Variants in SPPL2B observed in about 807,000 individuals in gnomAD.
SPPL2B encodes the protein signal peptide peptidase like 2B.
Under a neutral mutation model 59.7 loss-of-function variants are expected in SPPL2B, and 39 were observed. That is an observed-to-expected ratio of 0.65 (90% CI 0.51 to 0.85). SPPL2B has a LOEUF of 0.85. Among genes scored for constraint, SPPL2B ranks in the 40% least tolerant of loss-of-function variants. The pLI, the probability that SPPL2B is intolerant of heterozygous loss-of-function variation, is 0.00. For synonymous variants in SPPL2B, 419 were observed against 370.8 expected (o/e 1.13, Z -1.49); for missense variants, 865 against 849.0 (o/e 1.02, Z -0.23).
At chr19:2,352,081 G>T (rs1477210196) in intron 14 of SPPL2B, among the ~76,000 whole-genome samples, 1 of 152,206 alleles carries the variant, frequency 6.6e-6, no homozygotes, top group Non-Finnish European at 1.5e-5. Flanking sequence ...GTCCCCCTTG[G>T]CAAGGCAGGG....
intron 8 of SPPL2B, 85 bp from the exon 9 acceptor site, chr19:2,343,126 A>C: frequency 1.9e-6 from 2 of 1,070,902 alleles, no homozygotes; most frequent in Non-Finnish European, 2.8e-6. Context: ...GGCTGAGAGC[A>C]AGGGCCCTGT....
chr19:2,341,996 G>A (rs974906266), intron 8 of SPPL2B: 14 of 182,058 alleles, frequency 7.7e-5, no homozygotes, highest in South Asian at 2.0e-4. Context: ...AGTACGTGGC[G>A]CCTGGAATTG....
At chr19:2,330,810 C>T (rs1199683852) in intron 1 of SPPL2B, 2 of 152,360 alleles carry the variant, frequency 1.3e-5, no homozygotes, top group Non-Finnish European at 2.9e-5. Flanking sequence ...GGACTTTAAC[C>T]TGGGCGGGCT....
chr19:2,339,973 GGCCCCGGGCGGGTGGGCC>G lies in SPPL2B; in HGVS notation c.742+10_742+27del, dbSNP rs1968922958. On this transcript the variant is annotated splice_region_variant and intron_variant, in intron 6 of 14. Transcript: ENST00000613503. ...TATTTCTACGATCTCCTCGGTGCGC[GGCCCCGGGCGGGTGGGCC>G]GCGGCGTGGAGATGCAGCCCGCCCC... 6 of 1,552,618 alleles carry G rather than the reference GGCCCCGGGCGGGTGGGCC, an allele frequency of 3.9e-6. No individual in the cohort carries two copies. The highest frequency in any genetic ancestry group is 4.4e-6 in the Non-Finnish European group (5 of 1,147,466).
At chr19:2,340,861 C>G (rs1568439117) in intron 7 of SPPL2B, 37 bp from the exon 8 acceptor site, 1 of 1,349,610 alleles carries the variant, frequency 7.4e-7, no homozygotes. Flanking sequence ...AGGCCGGGAG[C>G]TGGTGGGCTT....
At chr19:2,348,882 TTC>T (rs757706138) in intron 13 of SPPL2B, among the ~76,000 whole-genome samples, 84 of 132,318 alleles carry the variant, frequency 6.3e-4, no homozygotes, top group South Asian at 1.3e-3. Context: ...CTTGATTCCA[TTC>T]TCTCTCTCCA....
chr19:2,350,373 C>G (rs1169109297), intron 13 of SPPL2B, among the ~76,000 whole-genome samples: 1 of 149,124 alleles, frequency 6.7e-6, no homozygotes, highest in Non-Finnish European at 1.5e-5. Flanking sequence ...CGTTCTCTCT[C>G]TCCACACACA....
At chr19:2,337,745 G>C (rs1264126968) in intron 3 of SPPL2B, 120 bp downstream of exon 3, 2 of 1,053,924 alleles carry the variant, frequency 1.9e-6, no homozygotes, top group East Asian at 2.8e-5. Context: ...AGATCCATCT[G>C]TGGGGAGGAT....
At chr19:2,352,014 C>T (rs1344487559) in intron 14 of SPPL2B, among the ~76,000 whole-genome samples, 8 of 152,174 alleles carry the variant, frequency 5.3e-5, no homozygotes, top group South Asian at 2.1e-4. Flanking sequence ...GGGGTGGGGC[C>T]GCAGGGCCCT....
At chr19:2,351,695 C>T (rs1409342946) in intron 14 of SPPL2B, 101 bp downstream of exon 14, 19 of 1,469,992 alleles carry the variant, frequency 1.3e-5, no homozygotes, top group South Asian at 3.9e-5. Context: ...GCCCTGCGGC[C>T]GCGACGGGGC....
At chr19:2,337,228 G>C in intron 2 of SPPL2B, 1 of 475,456 alleles carries the variant, frequency 2.1e-6, no homozygotes, top group Non-Finnish European at 3.7e-6. Context: ...TGAGGACTCC[G>C]GCCCCGCTCA....
Position 2,340,388 on chromosome 19 carries a change from G to C in SPPL2B, c.839+216G>C, listed in dbSNP as rs370382703. ...AGCAGCCAGGCGCCAGGGGTGGCGG[G>C]GGGAGGGTGCCCTTGTCCCCAGGAA... On this transcript the variant is annotated intron_variant, in intron 7 of 14. Transcript: ENST00000613503. 3.3e-5 allele frequency: 20 copies of C among 612,530 alleles called. No individual in the cohort carries two copies. The East Asian group carries it at 5.7e-4, about 18-fold the overall frequency. The allele number at this position is 612,530 out of a possible 1,614,324, so 37.9% of individuals were successfully genotyped here. A position where few individuals can be genotyped will look rare whatever the true frequency, so the allele number is the denominator to read the frequency against.
chr19:2,338,314 CAGGGCCGAGGG>C (rs1968777132), intron 3 of SPPL2B: 1 of 158,972 alleles, frequency 6.3e-6, no homozygotes, highest in Non-Finnish European at 1.4e-5. Context: ...TGCAGGGGCT[CAGGGCCGAGGG>C]CAGAGCAGGC....
intron 14 of SPPL2B, 29 bp from the exon 15 acceptor site, chr19:2,352,917 G>T (rs572300654): frequency 1.6e-5 from 25 of 1,610,790 alleles, no homozygotes; most frequent in Non-Finnish European, 2.1e-5. Flanking sequence ...CCCTGTCTCC[G>T]CCTCACCTCT....
intron 13 of SPPL2B, among the ~76,000 whole-genome samples, chr19:2,347,462 C>T (rs1325512823): frequency 4.8e-5 from 2 of 41,598 alleles, no homozygotes; most frequent in Non-Finnish European, 8.2e-5. Context: ...TCTCATTCGC[C>T]TGATTCCGTT....
chr19:2,333,567 G>A (rs1446003647), intron 1 of SPPL2B, among the ~76,000 whole-genome samples: 4 of 152,212 alleles, frequency 2.6e-5, no homozygotes, highest in South Asian at 4.1e-4. Context: ...CGTCTACTCC[G>A]CAGCCCTCCT....
chr19:2,337,320 G>T (rs991746668), intron 2 of SPPL2B, 123 bp from the exon 3 acceptor site: 1 of 948,700 alleles, frequency 1.1e-6, no homozygotes, highest in East Asian at 2.7e-5. Flanking sequence ...GGCCGAGGCC[G>T]TGCGGGGCTT....
In SPPL2B at chr19:2,337,441, A is replaced by C; in HGVS notation, c.187-2A>C. On this transcript the variant is annotated splice_acceptor_variant, in intron 2 of 14. Transcript: ENST00000613503. LOFTEE classifies it high-confidence loss of function. ...GACAACACTGTGCCCTGGCCTTTCC[A>C]GTCTTTCCTGCAGCTGCGCAACTGG... The C allele has an allele frequency of 6.3e-7, 1 of 1,595,688 alleles. No individual in the cohort carries two copies. The highest frequency in any genetic ancestry group is 8.6e-7 in the Non-Finnish European group (1 of 1,168,598).
chr19:2,351,646 A>T (rs767219655), intron 14 of SPPL2B, 52 bp downstream of exon 14: 2 of 1,563,998 alleles, frequency 1.3e-6, no homozygotes, highest in Non-Finnish European at 8.7e-7. Flanking sequence ...GTGAGCCCTA[A>T]CTAGAGTTAA....
Sources: allele counts gnomAD v4.1 joint callset (sites outside exome capture counted in the v4.1 genomes callset), GRCh38; gene constraint gnomAD v4.1.1; transcripts MANE v1.5; gene names NCBI Gene and HGNC (gene_info 2026-07-23, HGNC 2026-07-21).